The following ASB3 variants were observed in gnomAD, a reference collection of about 807,000 sequenced individuals.
ASB3 encodes the protein ankyrin repeat and SOCS box protein 3.
Under a neutral mutation model 54.5 loss-of-function variants are expected in ASB3, and 41 were observed. The observed-to-expected ratio is 0.75, with a 90% CI of 0.59 to 0.98. ASB3 has a LOEUF of 0.98. Ranked by LOEUF, ASB3 falls within the 50% of genes least tolerant of loss-of-function variation. ASB3 has a pLI of 0.00. For missense variants in ASB3, 733 were observed against 620.0 expected, an observed-to-expected ratio of 1.18 and a Z score of -1.94; for synonymous variants, 266 against 221.2, an observed-to-expected ratio of 1.20 and a Z score of -1.80.
chr2:53,678,018 A>G (rs1668171817), intron 9 of ASB3, among the ~76,000 whole-genome samples: 1 of 151,856 alleles, frequency 6.6e-6, no homozygotes, highest in Admixed American at 6.6e-5. Flanking sequence ...ATTTTATTGT[A>G]TATATTTAAA....
chr2:53,753,916 C>T (rs1404951962), intron 2 of ASB3, among the ~76,000 whole-genome samples: 2 of 152,030 alleles, frequency 1.3e-5, no homozygotes, highest in Non-Finnish European at 2.9e-5. Flanking sequence ...GCTGAGATTA[C>T]AGGCGTGAGC....
chr2:53,736,682 GA>G (rs1259266039), intron 3 of ASB3, among the ~76,000 whole-genome samples: 4 of 143,622 alleles, frequency 2.8e-5, no homozygotes, highest in Admixed American at 2.1e-4. Context: ...CTGGGCGACA[GA>G]GTGAGATTCC....
In ASB3 at chr2:53,728,756, G is replaced by A. The variant is rs1483689071; in HGVS notation, c.560C>T (p.Ala187Val). Residue 187 changes from alanine (A) to valine (V), a missense_variant, in exon 5 of 10, where the codon GCT becomes GTT. By Grantham distance (64) the Ala-to-Val change is moderately conservative. Transcript: ENST00000263634. ...DFGITPLFVAAQYGKLESLSI... is the reference protein window; with the variant it reads ...DFGITPLFVAVQYGKLESLSI... ...CAAGCTTTCTAGCTTGCCATACTGA[G>A]CAGCCACAAATAAAGGTGTGATTCC... 1 of 1,611,858 alleles carries A rather than the reference G, an allele frequency of 6.2e-7. No individual in the cohort carries two copies. Among genetic ancestry groups the A allele is most frequent in the South Asian group, 1.1e-5 (1 of 90,704 alleles).
At chr2:53,781,547 G>A (rs1674651330) in intron 1 of ASB3, among the ~76,000 whole-genome samples, 1 of 151,976 alleles carries the variant, frequency 6.6e-6, no homozygotes, top group African/African-American at 2.4e-5. Flanking sequence ...CCAGTCTGGA[G>A]TACAATGGCG....
At chr2:53,737,194 C>G (rs892263362) in intron 3 of ASB3, among the ~76,000 whole-genome samples, 1 of 152,006 alleles carries the variant, frequency 6.6e-6, no homozygotes, top group Non-Finnish European at 1.5e-5. Context: ...CTGTGATTCC[C>G]GAGAGAAGTG....
At chr2:53,741,600 G>A (rs1202558775) in intron 3 of ASB3, among the ~76,000 whole-genome samples, 1 of 152,132 alleles carries the variant, frequency 6.6e-6, no homozygotes, top group African/African-American at 2.4e-5. Flanking sequence ...GTATTGTATG[G>A]ACTGGGGTTG....
intron 3 of ASB3, among the ~76,000 whole-genome samples, chr2:53,739,122 T>C (rs990644925): frequency 2.0e-5 from 3 of 152,220 alleles, no homozygotes; most frequent in Admixed American, 6.5e-5. Context: ...GGAGACATTT[T>C]CTGGTTTTGA....
At chr2:53,757,010 G>C in intron 2 of ASB3, 1 of 167,544 alleles carries the variant, frequency 6.0e-6, no homozygotes, top group South Asian at 1.7e-4. Flanking sequence ...TCAAGAACCC[G>C]AGGTCAGAGA....
chr2:53,732,359 T>C (rs1366114218), intron 3 of ASB3, among the ~76,000 whole-genome samples: 1 of 152,118 alleles, frequency 6.6e-6, no homozygotes, highest in Non-Finnish European at 1.5e-5. Context: ...AAAATAATAG[T>C]AATAATTTTG....
intron 9 of ASB3, among the ~76,000 whole-genome samples, chr2:53,693,233 T>C (rs1669008782): frequency 6.6e-6 from 1 of 152,200 alleles, no homozygotes; most frequent in African/African-American, 2.4e-5. Context: ...GCATATGTTA[T>C]GTTCAGTTTA....
intron 3 of ASB3, among the ~76,000 whole-genome samples, chr2:53,730,789 G>A (rs1261777982): frequency 6.6e-6 from 1 of 152,116 alleles, no homozygotes; most frequent in Non-Finnish European, 1.5e-5. Context: ...TAAGAAAAAA[G>A]ATTTGAAGAA....
At chr2:53,707,199 G>C (rs1289468133) in intron 7 of ASB3, among the ~76,000 whole-genome samples, 1 of 152,202 alleles carries the variant, frequency 6.6e-6, no homozygotes, top group Non-Finnish European at 1.5e-5. Context: ...AACTGAAGAA[G>C]TAATTTATAA....
chr2:53,757,049 A>G (rs1458429996), intron 2 of ASB3: 2 of 159,820 alleles, frequency 1.3e-5, no homozygotes, highest in Non-Finnish European at 2.7e-5. Context: ...TCTTGGAAGC[A>G]GCCTACCACC....
intron 9 of ASB3, among the ~76,000 whole-genome samples, chr2:53,684,039 A>G (rs980441238): frequency 1.7e-4 from 26 of 152,074 alleles, no homozygotes; most frequent in African/African-American, 5.6e-4. Context: ...AAGATGCATC[A>G]TTAGGTTATT....
chr2:53,687,753 T>C (rs1158019422), intron 9 of ASB3, among the ~76,000 whole-genome samples: 4 of 152,212 alleles, frequency 2.6e-5, no homozygotes, highest in East Asian at 1.9e-4. Flanking sequence ...TGGTGAGTTA[T>C]TGCACCATAG....
intron 9 of ASB3, among the ~76,000 whole-genome samples, chr2:53,689,275 G>A (rs1668786758): frequency 6.6e-6 from 1 of 152,142 alleles, no homozygotes; most frequent in African/African-American, 2.4e-5. Context: ...CTGCACCAGA[G>A]CATTACCATA....
At chr2:53,688,596 T>C (rs1668751709) in intron 9 of ASB3, among the ~76,000 whole-genome samples, 1 of 152,204 alleles carries the variant, frequency 6.6e-6, no homozygotes, top group South Asian at 2.1e-4. Flanking sequence ...CCATCTCTTC[T>C]TATAATTGAG....
chr2:53,693,333 A>C (rs1269308995), intron 9 of ASB3, among the ~76,000 whole-genome samples: 1 of 152,136 alleles, frequency 6.6e-6, no homozygotes, highest in Admixed American at 6.5e-5. Flanking sequence ...GGTAAGTTGA[A>C]ATTTTGTTCT....
chr2:53,711,404 A>G (rs191325613), intron 7 of ASB3, among the ~76,000 whole-genome samples: 1 of 152,320 alleles, frequency 6.6e-6, no homozygotes, highest in Admixed American at 6.5e-5. Flanking sequence ...CAACTGGTCA[A>G]TTAATGTTAC....
Sources: gnomAD v4.1 joint callset for allele counts (sites outside exome capture counted in the v4.1 genomes callset) on GRCh38, gnomAD v4.1.1 for gene constraint, MANE v1.5 for transcripts, NCBI Gene and HGNC (gene_info 2026-07-23, HGNC 2026-07-21) for gene names.